Variants in PRKAA2 observed in about 807,000 individuals in gnomAD.
PRKAA2 encodes protein kinase AMP-activated catalytic subunit alpha 2.
A neutral mutation model predicts 56.3 loss-of-function variants in PRKAA2; 40 were observed. That is an observed-to-expected ratio of 0.71 (90% CI 0.55 to 0.92). The LOEUF is 0.92. PRKAA2 is among the 40% of genes least tolerant of loss of function. The probability of loss-of-function intolerance (pLI) is 0.00; values close to 1 mark genes in which losing one functional copy is unlikely to be tolerated. For missense variants in PRKAA2, 542 were observed against 686.9 expected (o/e 0.79, Z 2.36); for synonymous variants, 214 against 234.2 (o/e 0.91, Z 0.79).
chr1:56,662,376 GATAAAA>G (rs950972832), intron 1 of PRKAA2, among the ~76,000 whole-genome samples: 9 of 151,790 alleles, frequency 5.9e-5, no homozygotes, highest in African/African-American at 1.9e-4. Flanking sequence ...GGAATTAAAA[GATAAAA>G]ATAAAAAATA....
At chr1:56,692,596 G>T (rs574700183) in intron 4 of PRKAA2, 94 bp downstream of exon 4, 2 of 1,260,988 alleles carry the variant, frequency 1.6e-6, no homozygotes, top group South Asian at 1.8e-5. Context: ...AACCTTGTAC[G>T]TTCTGTACCA....
intron 6 of PRKAA2, among the ~76,000 whole-genome samples, chr1:56,697,699 A>G (rs762801688): frequency 1.3e-5 from 2 of 152,096 alleles, no homozygotes; most frequent in Non-Finnish European, 2.9e-5. Flanking sequence ...GCAGTGTCTC[A>G]TGCCTGTAAT....
At chr1:56,655,568 T>C (rs1156792821) in intron 1 of PRKAA2, among the ~76,000 whole-genome samples, 2 of 151,146 alleles carry the variant, frequency 1.3e-5, no homozygotes, top group Non-Finnish European at 2.9e-5. Flanking sequence ...AAATGTTTTT[T>C]ACCAGTGTTC....
intron 1 of PRKAA2, among the ~76,000 whole-genome samples, chr1:56,663,135 T>A (rs2796524): frequency 6.6e-6 from 1 of 152,250 alleles, no homozygotes. Flanking sequence ...TTTGTGTCAC[T>A]GAGGCTGGAG....
intron 1 of PRKAA2, among the ~76,000 whole-genome samples, chr1:56,657,006 A>G (rs1557543186): frequency 6.6e-6 from 1 of 152,218 alleles, no homozygotes; most frequent in Non-Finnish European, 1.5e-5. Flanking sequence ...GGCAGAAAGT[A>G]TTCTAAAACT....
chr1:56,693,626 C>A, intron 4 of PRKAA2, 139 bp from the exon 5 acceptor site: 1 of 519,356 alleles, frequency 1.9e-6, no homozygotes, highest in Non-Finnish European at 3.4e-6. Flanking sequence ...CAGTTAAATG[C>A]TTTCCACTGC....
At chr1:56,692,320 CCA>C in intron 3 of PRKAA2, 36 bp from the exon 4 acceptor site, 1 of 1,612,400 alleles carries the variant, frequency 6.2e-7, no homozygotes, top group Non-Finnish European at 8.5e-7. Flanking sequence ...GTGCCCAGCC[CCA>C]GATATTCTTA....
intron 2 of PRKAA2, among the ~76,000 whole-genome samples, chr1:56,681,749 G>T (rs1424920062): frequency 6.6e-6 from 1 of 152,122 alleles, no homozygotes; most frequent in Non-Finnish European, 1.5e-5. Context: ...TGCTGTTTTG[G>T]TTACTGTAGC....
intron 6 of PRKAA2, among the ~76,000 whole-genome samples, chr1:56,699,199 T>A (rs969092932): frequency 1.3e-5 from 2 of 152,190 alleles, no homozygotes; most frequent in African/African-American, 2.4e-5. Context: ...TAATATTAGC[T>A]ATTATTATTT....
chr1:56,655,413 CT>C (rs10710505), intron 1 of PRKAA2, among the ~76,000 whole-genome samples: 37,569 of 139,652 alleles, frequency 0.27, 5,146 homozygotes, highest in South Asian at 0.49. Flanking sequence ...CCATGCCCAG[CT>C]TTTTTTTTTT....
intron 1 of PRKAA2, among the ~76,000 whole-genome samples, chr1:56,647,738 A>G (rs2100373566): frequency 6.6e-6 from 1 of 151,896 alleles, no homozygotes; most frequent in South Asian, 2.1e-4. Flanking sequence ...TTGTTAGAAA[A>G]CAGCTTTATG....
Position 56,707,965 on chromosome 1 carries a change from A to G in PRKAA2, c.*252A>G, listed in dbSNP as rs1644344005. 2.0e-6 allele frequency: 1 copy of G among 493,088 alleles called. No homozygotes were observed. The highest frequency in any genetic ancestry group is 3.6e-6 in the Non-Finnish European group (1 of 276,518). The allele number at this position is 493,088 out of a possible 1,614,324, so 30.5% of individuals were successfully genotyped here. On this transcript the variant is annotated 3_prime_UTR_variant, in exon 9 of 9. Coordinates refer to ENST00000371244, the MANE Select transcript of PRKAA2 (RefSeq NM_006252.4). ...ATCTTTAATAGGTTAATATCAATGA[A>G]GATTTTTAATTACAATAATGAGTTC...
intron 1 of PRKAA2, among the ~76,000 whole-genome samples, chr1:56,657,793 A>G (rs1437620458): frequency 6.6e-6 from 1 of 152,210 alleles, no homozygotes; most frequent in African/African-American, 2.4e-5. Flanking sequence ...ATGCAAACAC[A>G]AATTGAGACA....
At chr1:56,698,069 T>C (rs1162151417) in intron 6 of PRKAA2, among the ~76,000 whole-genome samples, 1 of 146,348 alleles carries the variant, frequency 6.8e-6, no homozygotes, top group Non-Finnish European at 1.5e-5. Flanking sequence ...GAATTCTCAT[T>C]TTTTTAATTC....
Position 56,704,262 on chromosome 1 carries a change from C to A in PRKAA2, c.1080C>A (p.Pro360=), listed in dbSNP as rs1482447341. The A allele has an allele frequency of 3.1e-6, 5 of 1,613,952 alleles. No homozygotes were observed. Among genetic ancestry groups the A allele is most frequent in the Non-Finnish European group, 4.2e-6 (5 of 1,180,014 alleles). Residue 360 remains proline, a synonymous_variant, in exon 7 of 9, where the codon CCC becomes CCA. Transcript: ENST00000371244. ...TGGATGATAGTGCCATGCATATTCC[C>A]CCAGGCCTGAAACCTCATCCAGAAA... is the stretch of plus-strand genomic sequence containing the variant. ...SFMDDSAMHI[P]PGLKPHPERM...
chr1:56,660,511 A>T (rs1175850176), intron 1 of PRKAA2, among the ~76,000 whole-genome samples: 1 of 152,108 alleles, frequency 6.6e-6, no homozygotes, highest in Non-Finnish European at 1.5e-5. Context: ...GATTATTTTC[A>T]TGCATTGTCC....
chr1:56,705,557 G>A lies in PRKAA2; in HGVS notation c.1294-535G>A, dbSNP rs374766510. 3.8e-4 allele frequency among the ~76,000 whole-genome samples: 58 copies of A among 151,862 alleles called. 1 individual carries two copies. The East Asian group carries it at 5.4e-3, about 14-fold the overall frequency. Reference sequence around the variant, plus strand: ...ACTACAGGCGCCTGCCACCACACTCGGCTGATTTTTTTTGTATGTTTTTGT... The same window carrying A: ...ACTACAGGCGCCTGCCACCACACTCAGCTGATTTTTTTTGTATGTTTTTGT... On this transcript the variant is annotated intron_variant, in intron 7 of 8. Transcript: ENST00000371244.
chr1:56,693,624 T>A lies in PRKAA2; in HGVS notation c.476-141T>A, dbSNP rs576078591. 1.2e-5 allele frequency: 6 copies of A among 515,264 alleles called. No homozygotes were observed. In the South Asian group the frequency reaches 2.4e-4, roughly 21 times the overall value. The allele number at this position is 515,264 out of a possible 1,614,324, so 31.9% of individuals were successfully genotyped here. A position where few individuals can be genotyped will look rare whatever the true frequency, so the allele number is the denominator to read the frequency against. ...CTGAGACGGTCTCTTTCCAGTTAAATGCTTTCCACTGCTTTTTTTTAATAA... is the reference window on the plus strand; with the variant it reads ...CTGAGACGGTCTCTTTCCAGTTAAAAGCTTTCCACTGCTTTTTTTTAATAA... On this transcript the variant is annotated intron_variant, in intron 4 of 8. Transcript: ENST00000371244.
chr1:56,699,323 A>T (rs1644278877), intron 6 of PRKAA2, among the ~76,000 whole-genome samples: 1 of 152,166 alleles, frequency 6.6e-6, no homozygotes, highest in Non-Finnish European at 1.5e-5. Context: ...TATCAATTTC[A>T]GGTATCAGGT....
Sources: allele counts gnomAD v4.1 joint callset (sites outside exome capture counted in the v4.1 genomes callset), GRCh38; gene constraint gnomAD v4.1.1; transcripts MANE v1.5; gene names NCBI Gene and HGNC (gene_info 2026-07-23, HGNC 2026-07-21).